The following PAXBP1 variants were observed in gnomAD, a reference collection of about 807,000 sequenced individuals.
PAXBP1 encodes PAX3 and PAX7 binding protein 1, also known as PAX3- and PAX7-binding protein 1.
Under a neutral mutation model 119.9 loss-of-function variants are expected in PAXBP1, and 44 were observed. The observed-to-expected ratio is 0.37, with a 90% confidence interval of 0.29 to 0.47. The LOEUF is 0.47. PAXBP1 is among the 20% of genes least tolerant of loss of function. The pLI is 0.99. For synonymous variants in PAXBP1, 393 were observed against 406.6 expected (o/e 0.97, Z 0.40); for missense variants, 898 against 1,134.1 (o/e 0.79, Z 2.99).
At chr21:32,767,551 C>T (rs975517148) in intron 2 of PAXBP1, among the ~76,000 whole-genome samples, 2 of 152,150 alleles carry the variant, frequency 1.3e-5, no homozygotes, top group African/African-American at 2.4e-5. Flanking sequence ...AGAATTCCTA[C>T]GTGTTGTGGA....
chr21:32,760,652 C>T (rs1303076889), intron 5 of PAXBP1, among the ~76,000 whole-genome samples: 2 of 152,130 alleles, frequency 1.3e-5, no homozygotes, highest in African/African-American at 4.8e-5. Flanking sequence ...TCAGAATCAC[C>T]TGGAGGGCTT....
rs781461034 is a variant in PAXBP1 at position 32,759,234 on chromosome 21, C to A, written c.1229G>T (p.Arg410Leu). ...DSMKELHKTN[R>L]QQHEKHLQSR... ...TTGCAGATGTTTCTCATGCTGCTGT[C>A]GATTTGTTTTGTGCAATTCTTTCAT... is the stretch of plus-strand genomic sequence containing the variant. Residue 410 changes from arginine (R) to leucine (L), a missense_variant, in exon 7 of 18, where the codon CGA becomes CTA. Arg to Leu is a moderately radical substitution (Grantham distance 102, BLOSUM62 -2). This residue lies in a region of PAXBP1 where 599 missense variants were observed against 852.7 expected (regional missense o/e 0.70). Coordinates refer to ENST00000331923, the MANE Select transcript of PAXBP1 (RefSeq NM_016631.4). 6.2e-7 allele frequency: 1 copy of A among 1,613,810 alleles called. No individual in the cohort carries two copies. The highest frequency in any genetic ancestry group is 1.1e-5 in the South Asian group (1 of 91,050).
At position 32,755,254 on chromosome 21, in the gene PAXBP1, A is replaced by T. The variant is rs749911294; in HGVS notation, c.1483T>A (p.Ser495Thr). 6.2e-7 allele frequency: 1 copy of T among 1,613,142 alleles called. No individual in the cohort carries two copies. Among genetic ancestry groups the T allele is most frequent in the Non-Finnish European group, 8.5e-7 (1 of 1,179,518 alleles). ...QRRQDDIKDESSEFSSHSNKA... is the reference protein window; with the variant it reads ...QRRQDDIKDETSEFSSHSNKA... ...CTTGAATGGCTTGAAAACTCCGAAGATTCATCTTTAATATCATCTTGTCGT... is the reference window on the plus strand; with the variant it reads ...CTTGAATGGCTTGAAAACTCCGAAGTTTCATCTTTAATATCATCTTGTCGT... The change falls in exon 8 of 18, where the codon TCT becomes ACT. Residue 495 changes from serine (S) to threonine (T), a missense_variant. Ser to Thr is a moderately conservative substitution (Grantham distance 58). Coordinates refer to ENST00000331923, the MANE Select transcript of PAXBP1 (RefSeq NM_016631.4).
chr21:32,737,589 C>T, intron 16 of PAXBP1, 181 bp from the exon 17 acceptor site: 1 of 459,552 alleles, frequency 2.2e-6, no homozygotes, highest in Non-Finnish European at 3.6e-6. Flanking sequence ...AACCAATATA[C>T]CTAAATTTTT....
intron 5 of PAXBP1, among the ~76,000 whole-genome samples, chr21:32,760,515 CG>C (rs1569164871): frequency 6.6e-6 from 1 of 152,124 alleles, no homozygotes; most frequent in Non-Finnish European, 1.5e-5. Context: ...TATTTTTCAT[CG>C]ATCTCAAGTT....
At chr21:32,761,760 G>A (rs1875509561) in intron 4 of PAXBP1, among the ~76,000 whole-genome samples, 1 of 151,960 alleles carries the variant, frequency 6.6e-6, no homozygotes, top group African/African-American at 2.4e-5. Flanking sequence ...GGGAGGCTGA[G>A]GCATGGTGGC....
chr21:32,742,847 T>A, intron 15 of PAXBP1: 1 of 330,292 alleles, frequency 3.0e-6, no homozygotes, highest in Non-Finnish European at 6.0e-6. Flanking sequence ...AATTTATAAG[T>A]TAAACTTTAT....
intron 4 of PAXBP1, among the ~76,000 whole-genome samples, chr21:32,761,440 G>A (rs1043035056): frequency 6.6e-6 from 1 of 152,154 alleles, no homozygotes; most frequent in African/African-American, 2.4e-5. Context: ...AAAATCTAAT[G>A]CCTCCTAGGA....
At chr21:32,751,463 T>A in intron 8 of PAXBP1, 1 of 359,550 alleles carries the variant, frequency 2.8e-6, no homozygotes, top group Non-Finnish European at 5.3e-6. Context: ...CCTACAAATA[T>A]GTAATTGGGC....
At chr21:32,745,757 G>A in intron 11 of PAXBP1, 39 bp from the exon 12 acceptor site, 3 of 1,609,980 alleles carry the variant, frequency 1.9e-6, no homozygotes, top group Non-Finnish European at 2.5e-6. Context: ...TACTAAAATA[G>A]TGGCTATTTC....
chr21:32,738,454 A>C, intron 15 of PAXBP1, 135 bp from the exon 16 acceptor site: 1 of 688,784 alleles, frequency 1.5e-6, no homozygotes, highest in South Asian at 1.9e-5. Flanking sequence ...TAATACTTTC[A>C]AAGGTACAGA....
chr21:32,767,820 A>G lies in PAXBP1; in HGVS notation c.472+1994T>C, dbSNP rs1015267452. Among the ~76,000 whole-genome samples, 6 of 152,320 alleles carry G rather than the reference A, an allele frequency of 3.9e-5. No individual in the cohort carries two copies. In the East Asian group the frequency reaches 1.2e-3, roughly 29 times the overall value. On this transcript the variant is annotated intron_variant, in intron 2 of 17. Transcript: ENST00000331923. ...CAGTCTTGGGTATGTCTTTATCAGC[A>G]GCATGAAAACAGACTTAATACAACA... is the stretch of plus-strand genomic sequence containing the variant.
rs1387928073 is a variant in PAXBP1, at chr21:32,748,329, A to T, written c.1923+170T>A. Among the ~76,000 whole-genome samples the T allele has an allele frequency of 2.0e-5, 3 of 152,250 alleles. No homozygotes were observed. In the South Asian group the frequency reaches 6.2e-4, roughly 32 times the overall value. On this transcript the variant is annotated intron_variant, in intron 11 of 17. Coordinates refer to ENST00000331923, the MANE Select transcript of PAXBP1 (RefSeq NM_016631.4). ...CATAGCTCTGCTGGGAAGACATGAAACTTAAAAGGAAAGATCATAAGATTA... is the reference window on the plus strand; with the variant it reads ...CATAGCTCTGCTGGGAAGACATGAATCTTAAAAGGAAAGATCATAAGATTA...
chr21:32,750,242 A>G (rs2043938343), intron 10 of PAXBP1, among the ~76,000 whole-genome samples: 1 of 152,246 alleles, frequency 6.6e-6, no homozygotes, highest in Admixed American at 6.5e-5. Flanking sequence ...TTCAGCAAAC[A>G]CACACATCTC....
At chr21:32,764,949 ACT>A (rs1157924916) in intron 2 of PAXBP1, among the ~76,000 whole-genome samples, 1 of 152,158 alleles carries the variant, frequency 6.6e-6, no homozygotes, top group Non-Finnish European at 1.5e-5. Flanking sequence ...ATGCGAGGCA[ACT>A]CTGTTATGAA....
rs141272900 is a variant in PAXBP1 at position 32,755,584 on chromosome 21, C to T, written c.1384-231G>A. On this transcript the variant is annotated intron_variant, in intron 7 of 17. Transcript: ENST00000331923. ...TCCAGTGCCTAGTTATTGGAGCAAA[C>T]ATTAGTTAAGAAATGTAACACTTCA... is the stretch of plus-strand genomic sequence containing the variant. The T allele has an allele frequency of 1.0e-3, 366 of 357,110 alleles. 1 individual carries two copies. The highest frequency in any genetic ancestry group is 5.9e-3 in the African/African-American group (277 of 47,162). 22.1% of individuals were successfully genotyped at this position (357,110 alleles called of 1,614,324 possible).
intron 11 of PAXBP1, among the ~76,000 whole-genome samples, chr21:32,748,079 G>A (rs1394435851): frequency 6.6e-6 from 1 of 151,746 alleles, no homozygotes; most frequent in Non-Finnish European, 1.5e-5. Flanking sequence ...GAGCCACCAT[G>A]CCTGGCCTAT....
At chr21:32,746,979 G>A (rs1019269343) in intron 11 of PAXBP1, among the ~76,000 whole-genome samples, 3 of 151,198 alleles carry the variant, frequency 2.0e-5, no homozygotes, top group Non-Finnish European at 2.9e-5. Flanking sequence ...GCAAACTAAC[G>A]CAGGAACAGA....
At chr21:32,741,860 C>T (rs1423428248) in intron 15 of PAXBP1, among the ~76,000 whole-genome samples, 1 of 152,190 alleles carries the variant, frequency 6.6e-6, no homozygotes, top group Non-Finnish European at 1.5e-5. Flanking sequence ...AAGGCTGTTT[C>T]TGAGGCCTTC....
Sources: gnomAD v4.1 joint callset for allele counts (sites outside exome capture counted in the v4.1 genomes callset) on GRCh38, gnomAD v4.1.1 for gene constraint, gnomAD v4.1.1 regional missense constraint, MANE v1.5 for transcripts, NCBI Gene and HGNC (gene_info 2026-07-23, HGNC 2026-07-21) for gene names.